The following STARD13 variants were observed in gnomAD, a reference collection of about 807,000 sequenced individuals.
STARD13 encodes stAR-related lipid transfer protein 13.
Under a neutral mutation model 106.4 loss-of-function variants are expected in STARD13, and 62 were observed. The ratio of observed to expected loss-of-function variants is 0.58; its 90% CI spans 0.48 to 0.72. The LOEUF (loss-of-function observed/expected upper bound fraction) is 0.72, where lower values mean the gene tolerates loss of function less well. Ranked by LOEUF, STARD13 falls within the 30% of genes least tolerant of loss-of-function variation. The pLI is 0.00. For synonymous variants in STARD13, 565 were observed against 553.0 expected (o/e 1.02, Z -0.31); for missense variants, 1,387 against 1,424.0 (o/e 0.97, Z 0.42).
chr13:33,127,931 G>A (rs1747237332), intron 5 of STARD13, among the ~76,000 whole-genome samples: 1 of 151,416 alleles, frequency 6.6e-6, no homozygotes, highest in Non-Finnish European at 1.5e-5. Flanking sequence ...AACGGAAAGA[G>A]AGGAAAGAGA....
chr13:33,602,248 C>T, the STARD13 span, among the ~76,000 whole-genome samples: 1 of 152,080 alleles, frequency 6.6e-6, no homozygotes, highest in African/African-American at 2.4e-5. Flanking sequence ...CGTGCAACCA[C>T]GCCCAGCTAA....
intron 1 of STARD13, among the ~76,000 whole-genome samples, chr13:33,181,266 A>G (rs909934605): frequency 5.8e-4 from 78 of 135,040 alleles, no homozygotes; most frequent in Non-Finnish European, 1.1e-3. Context: ...TCACTCACAC[A>G]TACATACACA....
intron 7 of STARD13, among the ~76,000 whole-genome samples, chr13:33,118,964 G>A (rs1875830123): frequency 1.3e-5 from 2 of 151,736 alleles, no homozygotes; most frequent in Admixed American, 1.3e-4. Context: ...TTTTTTTTCA[G>A]ACCTCAAGAT....
chr13:33,103,456 G>A lies in STARD13; in HGVS notation c.*2137C>T, dbSNP rs542286085. On this transcript the variant is annotated 3_prime_UTR_variant, in exon 14 of 14. Transcript: ENST00000336934. ...CAAAAACAAAAAAGTCAGATAATTC[G>A]AAGAGAGGGAGAATCAGAAATACAA... is the stretch of plus-strand genomic sequence containing the variant. The A allele has an allele frequency of 2.6e-5, 4 of 152,726 alleles. No individual in the cohort carries two copies. Among genetic ancestry groups the A allele is most frequent in the South Asian group, 2.1e-4 (1 of 4,834 alleles). The allele number at this position is 152,726 out of a possible 1,614,324, so 9.5% of individuals were successfully genotyped here. A position where few individuals can be genotyped will look rare whatever the true frequency, so the allele number is the denominator to read the frequency against.
intron 1 of STARD13, among the ~76,000 whole-genome samples, chr13:33,299,074 TA>T (rs1261294474): frequency 6.6e-6 from 1 of 152,202 alleles, no homozygotes; most frequent in African/African-American, 2.4e-5. Context: ...TTTAGATACA[TA>T]AATGCTTACC....
At chr13:33,529,667 A>G in the STARD13 span, among the ~76,000 whole-genome samples, 3 of 152,338 alleles carry the variant, frequency 2.0e-5, no homozygotes, top group Admixed American at 6.5e-5. Context: ...CGATATGGGA[A>G]AACAGACAAA....
At chr13:33,120,098 G>C (rs1490388393) in intron 7 of STARD13, among the ~76,000 whole-genome samples, 1 of 152,206 alleles carries the variant, frequency 6.6e-6, no homozygotes, top group Non-Finnish European at 1.5e-5. Context: ...ATGCCCTGAA[G>C]GTAAATACTT....
At chr13:33,262,178 G>A (rs1473946338) in intron 1 of STARD13, among the ~76,000 whole-genome samples, 7 of 152,194 alleles carry the variant, frequency 4.6e-5, no homozygotes, top group African/African-American at 9.6e-5. Flanking sequence ...ATCCAAGGCC[G>A]AATGAAGCCA....
chr13:33,593,979 T>G, the STARD13 span, among the ~76,000 whole-genome samples: 1 of 152,120 alleles, frequency 6.6e-6, no homozygotes, highest in East Asian at 1.9e-4. Flanking sequence ...CGATCTCGAC[T>G]CACTGCAAGC....
chr13:33,467,275 G>C, the STARD13 span, among the ~76,000 whole-genome samples: 1 of 151,692 alleles, frequency 6.6e-6, no homozygotes, highest in Non-Finnish European at 1.5e-5. Flanking sequence ...CAGGTCATCA[G>C]GCATTAGATT....
At chr13:33,349,455 A>C (rs1331387002) in intron 1 of STARD13, among the ~76,000 whole-genome samples, 2 of 152,208 alleles carry the variant, frequency 1.3e-5, no homozygotes, top group Non-Finnish European at 2.9e-5. Flanking sequence ...GAAGGCTCTG[A>C]GATGGCTGGA....
the STARD13 span, among the ~76,000 whole-genome samples, chr13:33,423,986 C>A: frequency 1.3e-5 from 2 of 151,996 alleles, no homozygotes; most frequent in African/African-American, 2.4e-5. Flanking sequence ...GGAGAAATAC[C>A]TAATGTAAAT....
chr13:33,192,203 A>G (rs1886299922), intron 1 of STARD13, among the ~76,000 whole-genome samples: 1 of 152,254 alleles, frequency 6.6e-6, no homozygotes, highest in South Asian at 2.1e-4. Flanking sequence ...TAGTTTGGAG[A>G]TAAACATTGG....
the STARD13 span, among the ~76,000 whole-genome samples, chr13:33,617,905 A>C: frequency 2.0e-5 from 3 of 152,224 alleles, no homozygotes; most frequent in Non-Finnish European, 2.9e-5. Flanking sequence ...GCATGATGTT[A>C]TGATAGAAAA....
At chr13:33,351,285 C>A (rs1410581067), upstream of STARD13, among the ~76,000 whole-genome samples, 1 of 152,096 alleles carries the variant, frequency 6.6e-6, no homozygotes, top group African/African-American at 2.4e-5. Context: ...GCATTACAAT[C>A]TGTATGCAGT....
the STARD13 span, among the ~76,000 whole-genome samples, chr13:33,526,320 C>A: frequency 1.3e-5 from 2 of 151,568 alleles, no homozygotes; most frequent in Non-Finnish European, 2.9e-5. Context: ...GTTAATTTTT[C>A]TTTCAAGAAG....
the STARD13 span, among the ~76,000 whole-genome samples, chr13:33,546,727 T>C: frequency 6.6e-6 from 1 of 151,940 alleles, no homozygotes; most frequent in South Asian, 2.1e-4. Flanking sequence ...TACTGCAACC[T>C]CCACCTCCCG....
At chr13:33,518,705 C>A in the STARD13 span, among the ~76,000 whole-genome samples, 1 of 152,004 alleles carries the variant, frequency 6.6e-6, no homozygotes, top group Non-Finnish European at 1.5e-5. Flanking sequence ...CACACTCACT[C>A]TCCAGGAACA....
chr13:33,555,199 A>G, the STARD13 span, among the ~76,000 whole-genome samples: 3 of 152,310 alleles, frequency 2.0e-5, no homozygotes, highest in East Asian at 1.9e-4. Context: ...TGCCCTCTCA[A>G]TCCATTCCTC....
Sources: allele counts gnomAD v4.1 joint callset (sites outside exome capture counted in the v4.1 genomes callset), GRCh38; gene constraint gnomAD v4.1.1; transcripts MANE v1.5; gene names NCBI Gene and HGNC (gene_info 2026-07-23, HGNC 2026-07-21).